The following RBFOX1 variants were observed in gnomAD, a reference collection of about 807,000 sequenced individuals.
RBFOX1 encodes the protein RNA binding fox-1 homolog 1.
In RBFOX1, 8 loss-of-function variants were observed where a neutral mutation model predicts 57.7. That is an observed-to-expected ratio of 0.14 (90% CI 0.08 to 0.25). RBFOX1 has a LOEUF of 0.25. RBFOX1 is among the 10% of genes least tolerant of loss of function. RBFOX1 has a pLI of 1.00. For synonymous variants in RBFOX1, 326 were observed against 222.4 expected, an observed-to-expected ratio of 1.47 and a Z score of -4.15; for missense variants, 611 against 548.5, an observed-to-expected ratio of 1.11 and a Z score of -1.14.
chr16:5,436,881 G>T (rs1597061972), intron 1 of RBFOX1, among the ~76,000 whole-genome samples: 1 of 152,046 alleles, frequency 6.6e-6, no homozygotes, highest in South Asian at 2.1e-4. Flanking sequence ...TTTTTGCCTT[G>T]AATATTTAGT....
At chr16:5,999,568 G>A (rs992773653) in intron 4 of RBFOX1, among the ~76,000 whole-genome samples, 1 of 152,174 alleles carries the variant, frequency 6.6e-6, no homozygotes, top group East Asian at 1.9e-4. Flanking sequence ...TTGGCCGGGC[G>A]CCGCTGGGTG....
At chr16:5,806,336 C>T (rs985220153) in intron 3 of RBFOX1, among the ~76,000 whole-genome samples, 1 of 152,158 alleles carries the variant, frequency 6.6e-6, no homozygotes, top group Non-Finnish European at 1.5e-5. Flanking sequence ...GAGGGCCTTC[C>T]TCCTGCATCC....
At chr16:7,709,913 G>T (rs973731955) in intron 15 of RBFOX1, 1 of 1,057,298 alleles carries the variant, frequency 9.5e-7, no homozygotes, top group East Asian at 8.8e-5. Context: ...TTTCTGCTTG[G>T]ATCAAGAATA....
chr16:5,281,977 T>C (rs898103803), intron 1 of RBFOX1, among the ~76,000 whole-genome samples: 7 of 152,222 alleles, frequency 4.6e-5, no homozygotes, highest in African/African-American at 1.7e-4. Flanking sequence ...GGTTATTTTG[T>C]ATATCCTTTT....
intron 3 of RBFOX1, among the ~76,000 whole-genome samples, chr16:6,731,750 G>C (rs986523028): frequency 2.0e-5 from 3 of 152,026 alleles, no homozygotes; most frequent in Admixed American, 2.0e-4. Flanking sequence ...TTTATTACAG[G>C]ATGCTTTTTT....
chr16:5,312,500 A>G (rs1385683567), intron 1 of RBFOX1, among the ~76,000 whole-genome samples: 1 of 152,128 alleles, frequency 6.6e-6, no homozygotes, highest in African/African-American at 2.4e-5. Context: ...GGTTTTTAGT[A>G]GAGACGGGGT....
At chr16:7,577,391 C>G (rs1478293052) in intron 5 of RBFOX1, among the ~76,000 whole-genome samples, 1 of 152,202 alleles carries the variant, frequency 6.6e-6, no homozygotes, top group Non-Finnish European at 1.5e-5. Flanking sequence ...TCCACACATA[C>G]TCTCCTGAAT....
At chr16:7,207,423 C>A (rs1481535382) in intron 4 of RBFOX1, among the ~76,000 whole-genome samples, 3 of 152,130 alleles carry the variant, frequency 2.0e-5, no homozygotes, top group African/African-American at 7.2e-5. Flanking sequence ...AGGAACTCAA[C>A]AGCACAAAAT....
chr16:6,298,852 A>G (rs1320331649), intron 1 of RBFOX1, among the ~76,000 whole-genome samples: 1 of 152,200 alleles, frequency 6.6e-6, no homozygotes, highest in African/African-American at 2.4e-5. Flanking sequence ...TGTTCATGGA[A>G]AATTTGGAAT....
chr16:6,920,947 C>G (rs776092395), intron 3 of RBFOX1, among the ~76,000 whole-genome samples: 4 of 152,184 alleles, frequency 2.6e-5, no homozygotes, highest in Non-Finnish European at 5.9e-5. Context: ...TCTGGCTAGT[C>G]TGTAATGACT....
At chr16:5,287,226 C>G (rs766369565) in intron 1 of RBFOX1, among the ~76,000 whole-genome samples, 2 of 152,012 alleles carry the variant, frequency 1.3e-5, no homozygotes, top group South Asian at 2.1e-4. Context: ...ATCACTTGAG[C>G]CCAGGATTTT....
chr16:5,549,352 T>TCCC (rs1879423400), intron 2 of RBFOX1, among the ~76,000 whole-genome samples: 1 of 152,220 alleles, frequency 6.6e-6, no homozygotes, highest in Admixed American at 6.5e-5. Flanking sequence ...GGTAACTGGA[T>TCCC]CTGCTTCTTC....
chr16:6,170,313 C>T (rs1007254454), intron 1 of RBFOX1, among the ~76,000 whole-genome samples: 5 of 152,132 alleles, frequency 3.3e-5, no homozygotes, highest in South Asian at 2.1e-4. Flanking sequence ...TTAAGTCCTA[C>T]GAGACCCTGG....
intron 3 of RBFOX1, chr16:6,773,966 G>T (rs2078900442): frequency 7.1e-6 from 7 of 985,308 alleles, no homozygotes; most frequent in Non-Finnish European, 8.4e-6. Flanking sequence ...TGGTTCTCAT[G>T]GTCCTCCCGT....
intron 3 of RBFOX1, among the ~76,000 whole-genome samples, chr16:5,612,435 C>A (rs117596357): frequency 6.6e-5 from 10 of 151,212 alleles, no homozygotes; most frequent in South Asian, 6.3e-4. Context: ...TAGGACCCCC[C>A]CTCTGTGGGT....
At chr16:7,062,114 G>A (rs1302801614) in intron 4 of RBFOX1, among the ~76,000 whole-genome samples, 1 of 151,836 alleles carries the variant, frequency 6.6e-6, no homozygotes, top group African/African-American at 2.4e-5. Context: ...TCAGGAGATC[G>A]AGACTATCCT....
rs2050530547 is a variant in RBFOX1 at position 5,687,185 on chromosome 16, A to G, written c.318+88224A>G. Reference sequence around the variant, plus strand: ...CCTCAGACTTCTCCCAGTACAGTGGAATAGGGGGAGACAATTAAGGTTGAA... The same window carrying G: ...CCTCAGACTTCTCCCAGTACAGTGGGATAGGGGGAGACAATTAAGGTTGAA... On this transcript the variant is annotated intron_variant, in intron 3 of 19. Coordinates refer to the RBFOX1 transcript ENST00000641259. Among the ~76,000 whole-genome samples the G allele has an allele frequency of 2.0e-5, 3 of 152,136 alleles. No homozygotes were observed. The South Asian group carries it at 6.2e-4, about 32-fold the overall frequency.
chr16:6,091,659 A>T (rs1029894469), intron 1 of RBFOX1, among the ~76,000 whole-genome samples: 9 of 152,258 alleles, frequency 5.9e-5, no homozygotes, highest in African/African-American at 1.4e-4. Context: ...GGGAAACCCC[A>T]TCTTTACTAA....
chr16:5,278,574 A>T (rs1260882051), intron 1 of RBFOX1, among the ~76,000 whole-genome samples: 1 of 152,204 alleles, frequency 6.6e-6, no homozygotes, highest in Non-Finnish European at 1.5e-5. Context: ...CACTGTGTTG[A>T]TTGTTTTCTT....
Sources: gnomAD v4.1 joint callset for allele counts (sites outside exome capture counted in the v4.1 genomes callset) on GRCh38, gnomAD v4.1.1 for gene constraint, MANE v1.5 for transcripts, NCBI Gene and HGNC (gene_info 2026-07-23, HGNC 2026-07-21) for gene names.